The following CHCHD3 variants were observed in gnomAD, a reference collection of about 807,000 sequenced individuals.
The protein encoded by CHCHD3 is coiled-coil-helix-coiled-coil-helix domain containing 3, also known as MICOS complex subunit MIC19.
CHCHD3 carries 20 observed loss-of-function variants against 38.2 expected under a neutral mutation model. The observed-to-expected ratio is 0.52, with a 90% CI of 0.37 to 0.76. The LOEUF is 0.76. Ranked by LOEUF, CHCHD3 falls within the 30% of genes least tolerant of loss-of-function variation. The pLI is 0.00. For missense variants in CHCHD3, 245 were observed against 279.2 expected, an observed-to-expected ratio of 0.88 and a Z score of 0.87; for synonymous variants, 82 against 100.0, an observed-to-expected ratio of 0.82 and a Z score of 1.07.
At position 132,922,365 on chromosome 7, in the gene CHCHD3, C is replaced by A. The variant is rs188392141; in HGVS notation, c.370-36620G>T. 2.0e-3 allele frequency among the ~76,000 whole-genome samples: 306 copies of A among 152,270 alleles called. 3 individuals carry two copies. The highest frequency in any genetic ancestry group is 7.2e-3 in the African/African-American group (299 of 41,552). Reference sequence around the variant, plus strand: ...CAAAATTACTAATATCACCACTAATCCCTGTGCTCATTAATCATCAGTACT... The same window carrying A: ...CAAAATTACTAATATCACCACTAATACCTGTGCTCATTAATCATCAGTACT... On this transcript the variant is annotated intron_variant, in intron 4 of 7. Transcript: ENST00000262570.
At chr7:133,061,897 C>T (rs1814529507) in intron 2 of CHCHD3, among the ~76,000 whole-genome samples, 1 of 152,118 alleles carries the variant, frequency 6.6e-6, no homozygotes, top group African/African-American at 2.4e-5. Flanking sequence ...TACTCAAGTA[C>T]AGTGACAGCT....
chr7:132,851,141 T>C (rs561258723), intron 5 of CHCHD3, among the ~76,000 whole-genome samples: 2 of 152,328 alleles, frequency 1.3e-5, no homozygotes, highest in African/African-American at 4.8e-5. Context: ...TGCACCCACA[T>C]ACCCAGAAAT....
intron 5 of CHCHD3, among the ~76,000 whole-genome samples, chr7:132,854,586 G>A (rs921526977): frequency 1.3e-5 from 2 of 152,080 alleles, no homozygotes; most frequent in South Asian, 2.1e-4. Context: ...TTTTCAAAAG[G>A]GGGTTGGGGG....
At chr7:132,990,951 T>TACAC (rs768136991) in intron 3 of CHCHD3, among the ~76,000 whole-genome samples, 24,435 of 143,646 alleles carry the variant, frequency 0.17, 2,142 homozygotes, top group Middle Eastern at 0.2. Flanking sequence ...CAGACACACA[T>TACAC]ACACACACAC....
chr7:133,046,469 A>G (rs1584669597), intron 2 of CHCHD3, among the ~76,000 whole-genome samples: 1 of 152,306 alleles, frequency 6.6e-6, no homozygotes, highest in East Asian at 1.9e-4. Flanking sequence ...ACCCAACACC[A>G]GGTCATTTTA....
At chr7:132,928,166 G>C (rs755840612) in intron 4 of CHCHD3, among the ~76,000 whole-genome samples, 5 of 152,126 alleles carry the variant, frequency 3.3e-5, no homozygotes, top group Non-Finnish European at 5.9e-5. Flanking sequence ...GCCAAGACTT[G>C]TAACATGAAG....
intron 3 of CHCHD3, among the ~76,000 whole-genome samples, chr7:132,984,051 T>TGGTCTCCCTCTCCCCAC (rs71178071): frequency 8.7e-4 from 80 of 92,394 alleles, no homozygotes; most frequent in African/African-American, 2.7e-3. Context: ...CCTCTCCCCA[T>TGGTCTCCCTCTCCCCAC]GGTCTCCCTC....
At chr7:132,920,981 G>T (rs923316395) in intron 4 of CHCHD3, among the ~76,000 whole-genome samples, 1 of 152,154 alleles carries the variant, frequency 6.6e-6, no homozygotes, top group Non-Finnish European at 1.5e-5. Flanking sequence ...ACTGGCTGGG[G>T]AAGGAGTACA....
intron 2 of CHCHD3, among the ~76,000 whole-genome samples, chr7:133,056,509 C>T (rs1415673129): frequency 1.3e-5 from 2 of 152,140 alleles, no homozygotes; most frequent in Non-Finnish European, 2.9e-5. Context: ...CAGAGTTAGT[C>T]GGCAGTCACA....
intron 5 of CHCHD3, among the ~76,000 whole-genome samples, chr7:132,855,539 C>A (rs932480764): frequency 1.3e-5 from 2 of 152,092 alleles, no homozygotes; most frequent in Admixed American, 6.6e-5. Flanking sequence ...ATGTGTTTAT[C>A]TTTTTGTATT....
chr7:132,950,360 T>TC (rs1265036070), intron 4 of CHCHD3, among the ~76,000 whole-genome samples: 1 of 152,172 alleles, frequency 6.6e-6, no homozygotes. Flanking sequence ...CTTATCTCAC[T>TC]CAACTTTGAC....
At chr7:132,972,580 T>C in intron 4 of CHCHD3, 1 of 985,112 alleles carries the variant, frequency 1.0e-6, no homozygotes, top group Non-Finnish European at 1.2e-6. Context: ...AAGGGAGAAA[T>C]CTGGTAAATA....
At position 132,905,611 on chromosome 7, in the gene CHCHD3, C is replaced by T. The variant is rs1809782542; in HGVS notation, c.370-19866G>A. 2.6e-5 allele frequency among the ~76,000 whole-genome samples: 4 copies of T among 151,804 alleles called. No homozygotes were observed. The South Asian group carries it at 6.2e-4, about 24-fold the overall frequency. On this transcript the variant is annotated intron_variant, in intron 4 of 7. Coordinates refer to ENST00000262570, the MANE Select transcript of CHCHD3 (RefSeq NM_017812.4). Reference sequence around the variant, plus strand: ...AATAAAAGTTGAGGGGAAAAAAATGCCTAATTAAAGAAAAAAAAAACTTAC... The same window carrying T: ...AATAAAAGTTGAGGGGAAAAAAATGTCTAATTAAAGAAAAAAAAAACTTAC...
intron 4 of CHCHD3, among the ~76,000 whole-genome samples, chr7:132,947,336 CT>C (rs1748250168): frequency 6.6e-6 from 1 of 151,848 alleles, no homozygotes; most frequent in Admixed American, 6.6e-5. Flanking sequence ...ATTTCTTTTC[CT>C]TCCTTCCTTT....
intron 1 of CHCHD3, 56 bp from the exon 2 acceptor site, chr7:133,070,285 G>A: frequency 7.0e-7 from 1 of 1,419,404 alleles, no homozygotes; most frequent in South Asian, 1.2e-5. Context: ...TCAAAAACCA[G>A]TGCAATAACA....
chr7:133,027,379 G>GAGAGAGAA (rs1185326936), intron 2 of CHCHD3, among the ~76,000 whole-genome samples: 1 of 130,906 alleles, frequency 7.6e-6, no homozygotes, highest in African/African-American at 2.9e-5. Flanking sequence ...GAGAGAGAGA[G>GAGAGAGAA]AGAGAGAAAG....
chr7:132,892,662 G>A (rs1172462964), intron 4 of CHCHD3, among the ~76,000 whole-genome samples: 1 of 152,172 alleles, frequency 6.6e-6, no homozygotes, highest in African/African-American at 2.4e-5. Flanking sequence ...ACGGTTGCCT[G>A]GACCAGACCC....
At chr7:133,043,730 A>T (rs1307511081) in intron 2 of CHCHD3, among the ~76,000 whole-genome samples, 1 of 151,668 alleles carries the variant, frequency 6.6e-6, no homozygotes, top group Non-Finnish European at 1.5e-5. Context: ...AAGTTAACTT[A>T]TTTGATTTTA....
intron 2 of CHCHD3, among the ~76,000 whole-genome samples, chr7:133,027,389 G>A (rs1275351698): frequency 8.0e-6 from 1 of 124,422 alleles, no homozygotes; most frequent in Non-Finnish European, 1.6e-5. Context: ...GAGAGAGAAA[G>A]AGAGAGAGAG....
Sources: gnomAD v4.1 joint callset for allele counts (sites outside exome capture counted in the v4.1 genomes callset) on GRCh38, gnomAD v4.1.1 for gene constraint, MANE v1.5 for transcripts, NCBI Gene and HGNC (gene_info 2026-07-23, HGNC 2026-07-21) for gene names.